The following SYNE1 variants were observed in gnomAD, a reference collection of about 807,000 sequenced individuals.
The protein encoded by SYNE1 is spectrin repeat containing nuclear envelope protein 1, also known as nesprin-1.
A neutral mutation model predicts 1,111.0 loss-of-function variants in SYNE1; 616 were observed. That is an observed-to-expected ratio of 0.55 (90% confidence interval 0.52 to 0.59). SYNE1 has a LOEUF of 0.59. SYNE1 is among the 20% of genes least tolerant of loss of function. SYNE1 has a pLI of 0.00. For missense variants in SYNE1, 10,006 were observed against 10,417.0 expected, an observed-to-expected ratio of 0.96 and a Z score of 1.72; for synonymous variants, 3,855 against 3,825.8, an observed-to-expected ratio of 1.01 and a Z score of -0.28.
intron 81 of SYNE1, among the ~76,000 whole-genome samples, chr6:152,324,591 G>C (rs1262120674): frequency 2.0e-5 from 3 of 152,116 alleles, no homozygotes; most frequent in Non-Finnish European, 2.9e-5. Flanking sequence ...TCAGGAGATT[G>C]AGAACATCCT....
At chr6:152,389,586 G>A (rs2097576946) in intron 53 of SYNE1, among the ~76,000 whole-genome samples, 1 of 152,158 alleles carries the variant, frequency 6.6e-6, no homozygotes, top group Admixed American at 6.5e-5. Context: ...GAGGGAGGTA[G>A]GGAGAAATCT....
chr6:152,572,457 A>AT (rs2099467116), intron 3 of SYNE1, among the ~76,000 whole-genome samples: 1 of 152,138 alleles, frequency 6.6e-6, no homozygotes, highest in Non-Finnish European at 1.5e-5. Context: ...AATTGTTTGG[A>AT]TTGGAAGAGC....
chr6:152,136,252 A>G (rs1167529244), intron 141 of SYNE1, among the ~76,000 whole-genome samples: 3 of 152,224 alleles, frequency 2.0e-5, no homozygotes, highest in African/African-American at 7.2e-5. Context: ...GAATGGAAAA[A>G]CAAATATTTG....
chr6:152,432,918 TGAG>T (rs773196678), intron 34 of SYNE1, among the ~76,000 whole-genome samples: 11 of 152,042 alleles, frequency 7.2e-5, no homozygotes, highest in Non-Finnish European at 1.3e-4. Flanking sequence ...AAAAGATGTG[TGAG>T]AAGCAAGGAT....
chr6:152,270,635 A>G (rs2093121094), intron 98 of SYNE1, among the ~76,000 whole-genome samples: 6 of 152,234 alleles, frequency 3.9e-5, no homozygotes. Flanking sequence ...TAATTTCAAT[A>G]TAACTCATTC....
rs539172041 is a variant in SYNE1 at position 152,212,632 on chromosome 6, C to G, written c.22494+980G>C. ...GTGTGGACACATATTTTCATTTATC[C>G]TGAGTATATACCTAGGAGTGGAATT... On this transcript the variant is annotated intron_variant, in intron 123 of 145. Coordinates refer to ENST00000367255, the MANE Select transcript of SYNE1 (RefSeq NM_182961.4). 1.9e-4 allele frequency among the ~76,000 whole-genome samples: 29 copies of G among 152,164 alleles called. No homozygotes were observed. In the South Asian group the frequency reaches 3.7e-3, roughly 20 times the overall value.
chr6:152,434,455 C>T (rs560126248), intron 33 of SYNE1: 2 of 154,564 alleles, frequency 1.3e-5, no homozygotes, highest in East Asian at 3.8e-4. Context: ...TCCCATGCTG[C>T]CGGGCAAGAA....
rs147667464 is a variant in SYNE1 at position 152,330,836 on chromosome 6, T to G, written c.13849A>C (p.Asn4617His). 188 of 1,614,042 alleles carry G rather than the reference T, an allele frequency of 1.2e-4. No individual in the cohort carries two copies. The Middle Eastern group carries it at 5.3e-3, about 45-fold the overall frequency. Reference protein sequence around the residue: ...NILEQSPEYENLLLTLQRTGQ... With the variant: ...NILEQSPEYEHLLLTLQRTGQ... ...GTTCTCTGCAGCGTAAGTAGAAGAT[T>G]TTCATATTCTGGAGATTGTTCAAGA... Residue 4617 changes from asparagine (N) to histidine (H), a missense_variant, in exon 78 of 146, where the codon AAT (asparagine) becomes CAT (histidine). Coordinates refer to ENST00000367255, the MANE Select transcript of SYNE1 (RefSeq NM_182961.4).
intron 38 of SYNE1, 91 bp from the exon 39 acceptor site, chr6:152,425,638 C>T: frequency 6.8e-7 from 1 of 1,480,376 alleles, no homozygotes; most frequent in Non-Finnish European, 9.4e-7. Flanking sequence ...AAAGGATTCG[C>T]ATTCTTGCAA....
chr6:152,273,908 G>A (rs1210441470), intron 98 of SYNE1, among the ~76,000 whole-genome samples: 1 of 152,142 alleles, frequency 6.6e-6, no homozygotes, highest in Non-Finnish European at 1.5e-5. Context: ...TTGTGAGTGA[G>A]GATCAGGCCG....
intron 65 of SYNE1, 118 bp downstream of exon 65, chr6:152,359,197 T>C (rs1394381305): frequency 7.1e-7 from 1 of 1,417,086 alleles, no homozygotes; most frequent in Middle Eastern, 2.5e-4. Flanking sequence ...AAAAATTCAT[T>C]TTGCTTTTGT....
chr6:152,339,247 C>T lies in SYNE1; in HGVS notation c.12345G>A (p.Glu4115=). The change falls in exon 75 of 146, where the codon GAG becomes GAA. Residue 4115 remains glutamate (E), a synonymous_variant. Transcript: ENST00000367255. ...TGATTTTTCATTTTCTTACCGTTTG[C>T]TCTGTTTGTTGAATGTCTTTTGCTG... ...KTTAKDIQQT[E]QTIEQKLVQA... 1 of 1,613,628 alleles carries T rather than the reference C, an allele frequency of 6.2e-7. No homozygotes were observed. The highest frequency in any genetic ancestry group is 1.7e-5 in the Admixed American group (1 of 60,010).
At chr6:152,310,104 A>G in intron 89 of SYNE1, 87 bp from the exon 90 acceptor site, 1 of 1,447,492 alleles carries the variant, frequency 6.9e-7, no homozygotes, top group Admixed American at 2.1e-5. Context: ...GTTACGTTGC[A>G]AGTTATAAAC....
intron 74 of SYNE1, 85 bp from the exon 75 acceptor site, chr6:152,339,451 C>T: frequency 1.3e-6 from 2 of 1,565,204 alleles, no homozygotes; most frequent in Non-Finnish European, 8.7e-7. Flanking sequence ...ATTCTGTTGA[C>T]ATTTCAAAAA....
Position 152,130,728 on chromosome 6 carries a change from T to C in SYNE1, c.26145A>G (p.Pro8715=). The change falls in exon 145 of 146, where the codon CCA becomes CCG. Residue 8715 remains proline (P), a synonymous_variant. Coordinates refer to ENST00000367255, the MANE Select transcript of SYNE1 (RefSeq NM_182961.4). ...CCAGGAGAAGGAGGTACCTGCTATG[T>C]GGACTGCTGACAGAGGGTCCAGGCT... The part of the protein sequence containing the change: ...LSQPGPSVSS[P]HSRSTKGGSD... 1.2e-6 allele frequency: 2 copies of C among 1,614,220 alleles called. No individual in the cohort carries two copies. Among genetic ancestry groups the C allele is most frequent in the Non-Finnish European group, 1.7e-6 (2 of 1,180,034 alleles).
intron 49 of SYNE1, 25 bp from the exon 50 acceptor site, chr6:152,397,005 G>A: frequency 1.9e-6 from 3 of 1,607,478 alleles, no homozygotes; most frequent in Non-Finnish European, 2.6e-6. Flanking sequence ...AAAGGTAATA[G>A]GTCCATGGGA....
At chr6:152,391,594 A>AG in intron 51 of SYNE1, 26 bp from the exon 52 acceptor site, 1 of 1,525,048 alleles carries the variant, frequency 6.6e-7, no homozygotes, top group Non-Finnish European at 8.7e-7. Context: ...AAAAAAAAAA[A>AG]GAAAAAAAAT....
intron 117 of SYNE1, among the ~76,000 whole-genome samples, chr6:152,222,384 T>C (rs1212745515): frequency 6.6e-6 from 1 of 152,206 alleles, no homozygotes; most frequent in Admixed American, 6.5e-5. Flanking sequence ...TCTTTGACAC[T>C]CAAAGCCAAA....
chr6:152,531,120 T>C (rs2099198128), intron 4 of SYNE1, among the ~76,000 whole-genome samples: 1 of 152,088 alleles, frequency 6.6e-6, no homozygotes, highest in Admixed American at 6.5e-5. Context: ...AAAGTGCAAG[T>C]GTACTGATGC....
Sources: allele counts gnomAD v4.1 joint callset (sites outside exome capture counted in the v4.1 genomes callset), GRCh38; gene constraint gnomAD v4.1.1; transcripts MANE v1.5; gene names NCBI Gene and HGNC (gene_info 2026-07-23, HGNC 2026-07-21).